SLC45A4: variants seen among roughly 807,000 people sequenced by gnomAD.
SLC45A4 encodes the protein solute carrier family 45 member 4.
SLC45A4 carries 32 observed loss-of-function variants against 63.7 expected under a neutral mutation model. That is an observed-to-expected ratio of 0.50 (90% CI 0.38 to 0.67). The LOEUF (loss-of-function observed/expected upper bound fraction) is 0.67. Among genes scored for constraint, SLC45A4 ranks in the 30% least tolerant of loss-of-function variants. The pLI, the probability that SLC45A4 is intolerant of heterozygous loss-of-function variation, is 0.00. For missense variants in SLC45A4, 1,027 were observed against 1,157.7 expected (o/e 0.89, Z 1.64); for synonymous variants, 535 against 510.0 (o/e 1.05, Z -0.66).
At chr8:141,248,726 A>C (rs528199614) in intron 2 of SLC45A4, among the ~76,000 whole-genome samples, 2 of 152,296 alleles carry the variant, frequency 1.3e-5, no homozygotes, top group South Asian at 4.1e-4. Flanking sequence ...ATATAAAAAA[A>C]CAAAACAGGC....
intron 1 of SLC45A4, among the ~76,000 whole-genome samples, chr8:141,286,743 C>G (rs945288510): frequency 1.4e-5 from 2 of 143,546 alleles, no homozygotes; most frequent in African/African-American, 2.5e-5. Flanking sequence ...CCCCCGCCCC[C>G]CCGCTCCCCA....
chr8:141,212,119 C>T (rs1363411148), intron 8 of SLC45A4, 78 bp downstream of exon 8: 8 of 1,436,430 alleles, frequency 5.6e-6, no homozygotes, highest in Non-Finnish European at 6.4e-6. Flanking sequence ...TCTGCTCCCG[C>T]CCATGGCCTG....
intron 1 of SLC45A4, among the ~76,000 whole-genome samples, chr8:141,300,722 C>T (rs1830714106): frequency 6.6e-6 from 1 of 152,242 alleles, no homozygotes; most frequent in South Asian, 2.1e-4. Context: ...TTCTAACACA[C>T]CTTTCTGTCA....
At chr8:141,298,601 C>T (rs760529260) in intron 1 of SLC45A4, among the ~76,000 whole-genome samples, 3 of 152,190 alleles carry the variant, frequency 2.0e-5, no homozygotes, top group African/African-American at 7.2e-5. Context: ...CAAATTGGAG[C>T]GGCAGCACCT....
chr8:141,294,146 C>T (rs902558786), intron 1 of SLC45A4, among the ~76,000 whole-genome samples: 52 of 152,180 alleles, frequency 3.4e-4, no homozygotes, highest in Non-Finnish European at 6.9e-4. Context: ...CCAGGGTCTC[C>T]GTGGACCAGG....
At chr8:141,245,918 T>C (rs1383722753) in intron 2 of SLC45A4, among the ~76,000 whole-genome samples, 1 of 152,204 alleles carries the variant, frequency 6.6e-6, no homozygotes, top group Non-Finnish European at 1.5e-5. Flanking sequence ...TGGCTGCTCC[T>C]AGATTCCAAA....
chr8:141,298,047 C>CT (rs1830625438), intron 1 of SLC45A4, among the ~76,000 whole-genome samples: 1 of 151,938 alleles, frequency 6.6e-6, no homozygotes, highest in South Asian at 2.1e-4. Flanking sequence ...GTGCGACAGC[C>CT]CTGCGGCAAG....
At chr8:141,261,916 C>A (rs187481375) in intron 1 of SLC45A4, among the ~76,000 whole-genome samples, 15 of 151,972 alleles carry the variant, frequency 9.9e-5, no homozygotes, top group African/African-American at 3.6e-4. Context: ...GCATCGCATC[C>A]TAAGCCAAAA....
At position 141,212,215 on chromosome 8, in the gene SLC45A4, C is replaced by T. The variant is rs145059417; in HGVS notation, c.2283G>A (p.Pro761=). The change falls in exon 8 of 9, where the codon CCG becomes CCA. Residue 761 remains proline, a synonymous_variant. Transcript: ENST00000517878. The part of the protein sequence containing the change: ...KLTRKEGLQG[P]VETESVTPAG... ...CTCAGACCACGGACTCTGTCTCCAC[C>T]GGTCCCTGCAGGCCCTCCTTCCGCG... is the stretch of plus-strand genomic sequence containing the variant. 4.7e-5 allele frequency: 72 copies of T among 1,527,078 alleles called. No individual in the cohort carries two copies. Among genetic ancestry groups the T allele is most frequent in the Admixed American group, 5.9e-5 (3 of 50,932 alleles). The allele number at this position is 1,527,078 out of a possible 1,614,324, so 94.6% of individuals were successfully genotyped here.
At chr8:141,292,556 A>C (rs80019839) in intron 1 of SLC45A4, 7,153 of 152,460 alleles carry the variant, frequency 0.047, 274 homozygotes, top group Non-Finnish European at 0.071. Flanking sequence ...GGTTCCAGTA[A>C]CAGCTCCCTC....
intron 4 of SLC45A4, 33 bp downstream of exon 4, chr8:141,219,617 C>T: frequency 6.3e-7 from 1 of 1,575,750 alleles, no homozygotes; most frequent in Non-Finnish European, 8.6e-7. Flanking sequence ...CACGTTGGAA[C>T]CCGGCCACCC....
rs1391337251 is a variant in SLC45A4, at chr8:141,256,725, AT to A, written c.-400-2097del. 1 of 432,334 alleles carries A rather than the reference AT, an allele frequency of 2.3e-6. No individual in the cohort carries two copies. Among genetic ancestry groups the A allele is most frequent in the African/African-American group, 2.0e-5 (1 of 49,546 alleles). The allele number at this position is 432,334 out of a possible 1,614,324, so 26.8% of individuals were successfully genotyped here. A position where few individuals can be genotyped will look rare whatever the true frequency, so the allele number is the denominator to read the frequency against. On this transcript the variant is annotated intron_variant, in intron 1 of 8. Transcript: ENST00000517878. The surrounding 1 kb of genome is among the most constrained non-coding windows in gnomAD (Gnocchi z 4.3). ...CTTACGTCCCCTGAACGTCGCTACG[AT>A]TCCACACGACAGCCCTCGAGAATTC...
Position 141,218,838 on chromosome 8 carries a change from C to T in SLC45A4, c.802G>A (p.Glu268Lys). Residue 268 changes from glutamate (E) to lysine (K), a missense_variant, in exon 5 of 9, where the codon GAG becomes AAG. Glu to Lys is a moderately conservative substitution (Grantham distance 56). Coordinates refer to ENST00000517878, the MANE Select transcript of SLC45A4 (RefSeq NM_001286646.2). ...TCGCCCCCATCCAGGGCGCCGGGCT[C>T]CTCAGCGCTGCGCTCCTGCTGCGGG... ...YSPQQERSAEEPGALDGGEPH... is the reference protein window; with the variant it reads ...YSPQQERSAEKPGALDGGEPH... 6.2e-7 allele frequency: 1 copy of T among 1,613,224 alleles called. No homozygotes were observed. Among genetic ancestry groups the T allele is most frequent in the Non-Finnish European group, 8.5e-7 (1 of 1,179,894 alleles).
At position 141,208,871 on chromosome 8, in the gene SLC45A4, A is replaced by G. The variant is rs1314307250; in HGVS notation, c.*2701T>C. 6.6e-6 allele frequency: 1 copy of G among 152,328 alleles called. No individual in the cohort carries two copies. Among genetic ancestry groups the G allele is most frequent in the Non-Finnish European group, 1.5e-5 (1 of 68,102 alleles). The allele number at this position is 152,328 out of a possible 1,614,324, so 9.4% of individuals were successfully genotyped here. A position where few individuals can be genotyped will look rare whatever the true frequency, so the allele number is the denominator to read the frequency against. On this transcript the variant is annotated 3_prime_UTR_variant, in exon 9 of 9. Transcript: ENST00000517878. ...GAGTCTTTACTTAGCTGACTTGTATAGGGAACAAAACCACCACAAATGAGA... is the reference window on the plus strand; with the variant it reads ...GAGTCTTTACTTAGCTGACTTGTATGGGGAACAAAACCACCACAAATGAGA...
chr8:141,273,519 A>G (rs1175065788), intron 1 of SLC45A4, among the ~76,000 whole-genome samples: 1 of 152,198 alleles, frequency 6.6e-6, no homozygotes, highest in Non-Finnish European at 1.5e-5. Flanking sequence ...TGTCACCCGC[A>G]GCGTGGGAGA....
At chr8:141,299,037 G>A (rs987446541) in intron 1 of SLC45A4, among the ~76,000 whole-genome samples, 3 of 119,012 alleles carry the variant, frequency 2.5e-5, no homozygotes, top group Admixed American at 7.6e-5. Flanking sequence ...CTGGGCGCCC[G>A]GCACGGATGC....
At chr8:141,267,849 G>A (rs73366443) in intron 1 of SLC45A4, among the ~76,000 whole-genome samples, 5,899 of 152,236 alleles carry the variant, frequency 0.039, 377 homozygotes, top group African/African-American at 0.13. Context: ...AGGAACGCTC[G>A]TTCACGGTTG....
intron 2 of SLC45A4, among the ~76,000 whole-genome samples, chr8:141,231,916 C>T (rs1285038033): frequency 6.6e-6 from 1 of 152,250 alleles, no homozygotes; most frequent in Admixed American, 6.5e-5. Flanking sequence ...AGTTCTTTAC[C>T]AAGGTTCTCC....
In SLC45A4 at chr8:141,221,892, G is replaced by C. The variant is rs1826663917; in HGVS notation, c.242-127C>G. ...ACGCATGCGCACATCCCCTGCTCAG[G>C]TTGTCTCCACGGGGTAGACTTTCCT... On this transcript the variant is annotated intron_variant, in intron 2 of 8. Coordinates refer to ENST00000517878, the MANE Select transcript of SLC45A4 (RefSeq NM_001286646.2). 5.1e-6 allele frequency: 5 copies of C among 987,740 alleles called. No individual in the cohort carries two copies. The South Asian group carries it at 8.3e-5, about 16-fold the overall frequency. 61.2% of individuals were successfully genotyped at this position (987,740 alleles called of 1,614,324 possible).
Sources: gnomAD v4.1 joint callset for allele counts (sites outside exome capture counted in the v4.1 genomes callset) on GRCh38, gnomAD v4.1.1 for gene constraint, Gnocchi (gnomAD v3.1) non-coding constraint, MANE v1.5 for transcripts, NCBI Gene and HGNC (gene_info 2026-07-23, HGNC 2026-07-21) for gene names.